Variants in VWA3A observed in about 807,000 individuals in gnomAD.
VWA3A encodes von Willebrand factor A domain containing 3A.
A neutral mutation model predicts 160.4 loss-of-function variants in VWA3A; 134 were observed. The observed-to-expected ratio is 0.84, with a 90% CI of 0.73 to 0.96. VWA3A has a LOEUF of 0.96. Ranked by LOEUF, VWA3A falls within the 40% of genes least tolerant of loss-of-function variation. VWA3A has a pLI of 0.00. For synonymous variants in VWA3A, 476 were observed against 543.4 expected, an observed-to-expected ratio of 0.88 and a Z score of 1.72; for missense variants, 1,310 against 1,447.9, an observed-to-expected ratio of 0.90 and a Z score of 1.55.
At chr16:22,131,352 C>G in intron 18 of VWA3A, 73 bp downstream of exon 18, 1 of 1,547,506 alleles carries the variant, frequency 6.5e-7, no homozygotes, top group African/African-American at 1.4e-5. Flanking sequence ...CTCTGTCCCC[C>G]TCTCCACCAA....
At chr16:22,119,204 G>A (rs980015553) in intron 12 of VWA3A, among the ~76,000 whole-genome samples, 177 bp downstream of exon 12, 28 of 152,152 alleles carry the variant, frequency 1.8e-4, no homozygotes, top group African/African-American at 6.8e-4. Context: ...GGGTGGGCTG[G>A]GTGGGCCCAC....
intron 13 of VWA3A, 25 bp from the exon 14 acceptor site, chr16:22,121,489 C>T: frequency 6.3e-7 from 1 of 1,581,014 alleles, no homozygotes; most frequent in Non-Finnish European, 8.7e-7. Flanking sequence ...CAGGCAGTGC[C>T]TCCAACCTCA....
At chr16:22,094,254 G>A (rs533992856) in intron 1 of VWA3A, among the ~76,000 whole-genome samples, 1 of 152,082 alleles carries the variant, frequency 6.6e-6, no homozygotes, top group East Asian at 1.9e-4. Flanking sequence ...GTGTTCATGA[G>A]GCATTTCTAT....
intron 22 of VWA3A, among the ~76,000 whole-genome samples, chr16:22,139,112 C>T (rs943836562): frequency 1.3e-5 from 2 of 152,146 alleles, no homozygotes; most frequent in Non-Finnish European, 1.5e-5. Flanking sequence ...GAGCACAGCC[C>T]ATGTTCAGAA....
At chr16:22,154,196 G>A (rs1010615261) in intron 31 of VWA3A, among the ~76,000 whole-genome samples, 8 of 151,954 alleles carry the variant, frequency 5.3e-5, no homozygotes, top group African/African-American at 1.9e-4. Context: ...AACAAGTGAT[G>A]ATATGTTTAA....
intron 5 of VWA3A, 30 bp downstream of exon 5, chr16:22,100,523 A>G (rs2045392430): frequency 1.3e-6 from 2 of 1,541,448 alleles, no homozygotes; most frequent in Non-Finnish European, 1.8e-6. Flanking sequence ...TCCTCCCAAC[A>G]CCACAGAACT....
chr16:22,097,455 G>A, intron 2 of VWA3A, 117 bp from the exon 3 acceptor site: 1 of 1,345,706 alleles, frequency 7.4e-7, no homozygotes, highest in Non-Finnish European at 9.9e-7. Context: ...CTCAGTTACT[G>A]CACAGAAAAA....
In VWA3A at chr16:22,148,158, G is replaced by T; in HGVS notation, c.2840-4G>T. On this transcript the variant is annotated splice_polypyrimidine_tract_variant and splice_region_variant and intron_variant, in intron 27 of 33. Transcript: ENST00000389398. ...CTGCCTCTTCCCCACCTGTCTCGGAGCAGGGAGCCGCCGACTGTTTGGCAC... is the reference window on the plus strand; with the variant it reads ...CTGCCTCTTCCCCACCTGTCTCGGATCAGGGAGCCGCCGACTGTTTGGCAC... 6.3e-7 allele frequency: 1 copy of T among 1,596,392 alleles called. No homozygotes were observed. The highest frequency in any genetic ancestry group is 8.5e-7 in the Non-Finnish European group (1 of 1,171,674).
At chr16:22,155,981 T>C in intron 33 of VWA3A, 51 bp from the exon 34 acceptor site, 1 of 1,526,684 alleles carries the variant, frequency 6.6e-7, no homozygotes. Flanking sequence ...GCATGCTCTA[T>C]TTTGTGGTCA....
intron 6 of VWA3A, among the ~76,000 whole-genome samples, chr16:22,105,428 G>T (rs1280677584): frequency 1.3e-5 from 2 of 152,178 alleles, no homozygotes; most frequent in Non-Finnish European, 2.9e-5. Context: ...TTCCTGTTCT[G>T]CTCTGTCACT....
chr16:22,120,783 C>T (rs2141910386), intron 12 of VWA3A, among the ~76,000 whole-genome samples, 185 bp from the exon 13 acceptor site: 1 of 152,170 alleles, frequency 6.6e-6, no homozygotes, highest in South Asian at 2.1e-4. Flanking sequence ...TTCCTCTTCC[C>T]CTGGAAATTC....
chr16:22,135,554 A>C (rs918142653), intron 21 of VWA3A, among the ~76,000 whole-genome samples: 4 of 152,034 alleles, frequency 2.6e-5, no homozygotes, highest in Non-Finnish European at 5.9e-5. Flanking sequence ...TTCCCTCTTC[A>C]TGTCCTAATC....
chr16:22,112,191 T>C (rs915068859), intron 8 of VWA3A, among the ~76,000 whole-genome samples: 1 of 152,186 alleles, frequency 6.6e-6, no homozygotes, highest in Non-Finnish European at 1.5e-5. Flanking sequence ...TGTAAGAATT[T>C]CTACTTATCC....
At position 22,146,318 on chromosome 16, in the gene VWA3A, T is replaced by A; in HGVS notation, c.2813T>A (p.Val938Asp). 6.2e-7 allele frequency: 1 copy of A among 1,613,406 alleles called. No individual in the cohort carries two copies. Among genetic ancestry groups the A allele is most frequent in the African/African-American group, 1.3e-5 (1 of 74,968 alleles). The change falls in exon 27 of 34, where the codon GTC becomes GAC. Residue 938 changes from valine (V) to aspartate (D), a missense_variant. Physicochemically the swap from Val to Asp is radical, Grantham distance 152. Transcript: ENST00000389398. ...TTGGAGAAGGTGTTAAGGCGCTATGTCCAGAGGCTGCAGTGGCTGCTGTCC... is the reference window on the plus strand; with the variant it reads ...TTGGAGAAGGTGTTAAGGCGCTATGACCAGAGGCTGCAGTGGCTGCTGTCC... Reference protein sequence around the residue: ...RHLEKVLRRYVQRLQWLLSGS... With the variant: ...RHLEKVLRRYDQRLQWLLSGS...
chr16:22,152,831 G>T (rs930925389), intron 31 of VWA3A, among the ~76,000 whole-genome samples, 197 bp downstream of exon 31: 1 of 152,114 alleles, frequency 6.6e-6, no homozygotes, highest in Non-Finnish European at 1.5e-5. Context: ...TCTGCTTTTC[G>T]TTGAGACAAA....
chr16:22,136,527 G>A lies in VWA3A; in HGVS notation c.2140-1833G>A, dbSNP rs554698053. Among the ~76,000 whole-genome samples the A allele has an allele frequency of 5.4e-4, 82 of 152,218 alleles. 1 individual carries two copies. The highest frequency in any genetic ancestry group is 1.0e-3 in the Non-Finnish European group (68 of 68,022). On this transcript the variant is annotated intron_variant, in intron 21 of 33. Coordinates refer to ENST00000389398, the MANE Select transcript of VWA3A (RefSeq NM_173615.5). ...GAGGGCACTTAGCAAGGCTGTGGTC[G>A]AGGCAGTGGAGTGGAGGAGCCTGTG...
rs1299860954 is a variant in VWA3A at position 22,131,282 on chromosome 16, A to G, written c.1727+3A>G. ...AACAATTTACAAAGTGCCTGGCGGT[A>G]GGTTATGGGCAGAGACTTCGTGGGG... On this transcript the variant is annotated splice_donor_region_variant and intron_variant, in intron 18 of 33. Transcript: ENST00000389398. 1 of 1,613,838 alleles carries G rather than the reference A, an allele frequency of 6.2e-7. No homozygotes were observed. Among genetic ancestry groups the G allele is most frequent in the South Asian group, 1.1e-5 (1 of 91,012 alleles).
intron 28 of VWA3A, among the ~76,000 whole-genome samples, chr16:22,148,557 G>A (rs2142019004): frequency 6.6e-6 from 1 of 152,274 alleles, no homozygotes; most frequent in South Asian, 2.1e-4. Flanking sequence ...GATCACTTGA[G>A]CTCAGGAATT....
At chr16:22,114,972 AT>A (rs1380644434) in intron 8 of VWA3A, among the ~76,000 whole-genome samples, 2 of 151,570 alleles carry the variant, frequency 1.3e-5, no homozygotes, top group Non-Finnish European at 2.9e-5. Flanking sequence ...TACCTGGCTA[AT>A]TTTTTTGTAT....
Sources: gnomAD v4.1 joint callset for allele counts (sites outside exome capture counted in the v4.1 genomes callset) on GRCh38, gnomAD v4.1.1 for gene constraint, MANE v1.5 for transcripts, NCBI Gene and HGNC (gene_info 2026-07-23, HGNC 2026-07-21) for gene names.